OR6N1: variants seen among roughly 807,000 people sequenced by gnomAD.
OR6N1 encodes the protein olfactory receptor 6N1.
For synonymous variants in OR6N1, 170 were observed against 150.7 expected (o/e 1.13, Z -0.94); for missense variants, 394 against 371.7 (o/e 1.06, Z -0.49).
intron 1 of OR6N1, among the ~76,000 whole-genome samples, chr1:158,768,092 T>C (rs1037850432): frequency 6.6e-6 from 1 of 152,202 alleles, no homozygotes; most frequent in African/African-American, 2.4e-5. Flanking sequence ...TCTCCAACTT[T>C]AGTTTCTCCT....
chr1:158,815,584 G>A, the OR6N1 span, among the ~76,000 whole-genome samples: 975 of 152,190 alleles, frequency 6.4e-3, 12 homozygotes, highest in African/African-American at 0.022. Context: ...TGCCTGATTT[G>A]GAGCACTGCC....
Position 158,765,717 on chromosome 1 carries a change from C to A in OR6N1, c.*27G>T. The A allele has an allele frequency of 6.4e-7, 1 of 1,572,542 alleles. No individual in the cohort carries two copies. The highest frequency in any genetic ancestry group is 1.1e-5 in the South Asian group (1 of 88,284). On this transcript the variant is annotated 3_prime_UTR_variant, in exon 2 of 2. Coordinates refer to ENST00000641846, the MANE Select transcript of OR6N1 (RefSeq NM_001005185.2). ...CCTGGGGCCACCATATCCTCAGGCC[C>A]GGCCTTGGCCTACTCTCAGCCCCAA... is the stretch of plus-strand genomic sequence containing the variant.
At chr1:158,776,736 A>G (rs748431422), upstream of OR6N1, 2 of 1,613,594 alleles carry the variant, frequency 1.2e-6, no homozygotes. Context: ...TCCTCTTGAT[A>G]GCTTTAATGA....
At chr1:158,832,172 G>C in the OR6N1 span, among the ~76,000 whole-genome samples, 1 of 151,938 alleles carries the variant, frequency 6.6e-6, no homozygotes, top group Non-Finnish European at 1.5e-5. Context: ...TTTGTGGCAA[G>C]GTATAATGAA....
chr1:158,816,856 T>C, the OR6N1 span, among the ~76,000 whole-genome samples: 3 of 152,198 alleles, frequency 2.0e-5, no homozygotes, highest in South Asian at 2.1e-4. Context: ...AATCATAGGA[T>C]CAAAACTCCC....
chr1:158,796,515 A>T, the OR6N1 span, among the ~76,000 whole-genome samples: 1 of 152,174 alleles, frequency 6.6e-6, no homozygotes, highest in South Asian at 2.1e-4. Flanking sequence ...GAGCCTCTAA[A>T]GAATTTTACA....
rs973292 is a variant in OR6N1, at chr1:158,765,174, C to T, written c.*570G>A. 109,313 of 151,808 alleles carry T rather than the reference C, an allele frequency of 0.72. 39,580 individuals carry two copies. Among genetic ancestry groups the T allele is most frequent in the African/African-American group, 0.78 (32,092 of 41,404 alleles). 9.4% of individuals were successfully genotyped at this position (151,808 alleles called of 1,614,324 possible). The stretch of plus-strand genomic sequence containing the variant: ...ATTCAAAACACTCTTCAAGAAAATA[C>T]CATTATCAAATAATGAAATTAAGAC... On this transcript the variant is annotated 3_prime_UTR_variant, in exon 2 of 2. Coordinates refer to ENST00000641846, the MANE Select transcript of OR6N1 (RefSeq NM_001005185.2).
chr1:158,799,752 C>A, the OR6N1 span, among the ~76,000 whole-genome samples: 1 of 151,906 alleles, frequency 6.6e-6, no homozygotes, highest in Non-Finnish European at 1.5e-5. Context: ...AGTATGAAAC[C>A]CAAACTTACT....
chr1:158,788,563 T>C, the OR6N1 span, among the ~76,000 whole-genome samples: 1 of 152,190 alleles, frequency 6.6e-6, no homozygotes, highest in Non-Finnish European at 1.5e-5. Flanking sequence ...GATGTACCTA[T>C]TTGAGGGATA....
the OR6N1 span, among the ~76,000 whole-genome samples, chr1:158,801,437 A>G: frequency 6.6e-6 from 1 of 152,192 alleles, no homozygotes; most frequent in Admixed American, 6.5e-5. Context: ...ATTTTAAAGA[A>G]GGATTCCTAA....
the OR6N1 span, among the ~76,000 whole-genome samples, chr1:158,834,428 T>C: frequency 6.6e-6 from 1 of 152,096 alleles, no homozygotes; most frequent in Non-Finnish European, 1.5e-5. Flanking sequence ...AGAAGGGGTT[T>C]CACCGTGTTT....
upstream of OR6N1, chr1:158,776,913 A>G (rs1657613063): frequency 2.5e-6 from 4 of 1,614,054 alleles, no homozygotes; most frequent in Admixed American, 1.7e-5. Flanking sequence ...GATGTGAGGC[A>G]CAGGTAGAAA....
At chr1:158,833,206 C>A in the OR6N1 span, among the ~76,000 whole-genome samples, 1 of 152,142 alleles carries the variant, frequency 6.6e-6, no homozygotes, top group East Asian at 1.9e-4. Flanking sequence ...TGGCCTCCAA[C>A]ATTTCTTAGA....
In OR6N1 at chr1:158,765,962, A is replaced by T. The variant is rs772054082; in HGVS notation, c.721T>A (p.Cys241Ser). 1.4e-5 allele frequency: 22 copies of T among 1,613,968 alleles called. No individual in the cohort carries two copies. The African/African-American group carries it at 2.8e-4, about 21-fold the overall frequency. ...AGAACCACAGTGAAGTGGGAGGCAC[A>T]CGTGGAGATGGCCTTCCTCTTGCCG... ...AAGKRKAIST[C>S]ASHFTVVLIF... The change falls in exon 2 of 2, where the codon TGT becomes AGT. Residue 241 changes from cysteine to serine, a missense_variant. By Grantham distance (112) the Cys-to-Ser change is moderately radical. Coordinates refer to ENST00000641846, the MANE Select transcript of OR6N1 (RefSeq NM_001005185.2).
the OR6N1 span, among the ~76,000 whole-genome samples, chr1:158,827,363 A>G: frequency 1.8e-4 from 27 of 152,200 alleles, no homozygotes; most frequent in Non-Finnish European, 3.1e-4. Flanking sequence ...AAACTGGGTC[A>G]CATGTCTATT....
the OR6N1 span, among the ~76,000 whole-genome samples, chr1:158,825,908 A>T: frequency 4.6e-5 from 7 of 152,216 alleles, no homozygotes; most frequent in Non-Finnish European, 2.9e-5. Context: ...GGGTAGAGAA[A>T]ATGTTGTACA....
the OR6N1 span, among the ~76,000 whole-genome samples, chr1:158,811,589 G>A: frequency 6.6e-6 from 1 of 152,170 alleles, no homozygotes; most frequent in African/African-American, 2.4e-5. Context: ...GATGGATGTA[G>A]AGGCCGTATA....
chr1:158,764,621 A>AT lies in OR6N1; in HGVS notation c.*1122dup, dbSNP rs1657195266. 1 of 152,104 alleles carries AT rather than the reference A, an allele frequency of 6.6e-6. No individual in the cohort carries two copies. Among genetic ancestry groups the AT allele is most frequent in the Non-Finnish European group, 1.5e-5 (1 of 67,976 alleles). The allele number at this position is 152,104 out of a possible 1,614,324, so 9.4% of individuals were successfully genotyped here. A position where few individuals can be genotyped will look rare whatever the true frequency, so the allele number is the denominator to read the frequency against. ...AATTCAAAGATTTCTTGTAGTTAAT[A>AT]TTTGATCCTCCATTCATGGAAGGAT... is the stretch of plus-strand genomic sequence containing the variant. On this transcript the variant is annotated 3_prime_UTR_variant, in exon 2 of 2. Coordinates refer to ENST00000641846, the MANE Select transcript of OR6N1 (RefSeq NM_001005185.2).
chr1:158,795,323 C>A, the OR6N1 span, among the ~76,000 whole-genome samples: 1 of 152,170 alleles, frequency 6.6e-6, no homozygotes, highest in African/African-American at 2.4e-5. Flanking sequence ...TAAGCCTTCC[C>A]AAGGGAGACA....
Sources: allele counts gnomAD v4.1 joint callset (sites outside exome capture counted in the v4.1 genomes callset), GRCh38; gene constraint gnomAD v4.1.1; transcripts MANE v1.5; gene names NCBI Gene and HGNC (gene_info 2026-07-23, HGNC 2026-07-21).